RAB19: variants seen among roughly 807,000 people sequenced by gnomAD.
RAB19 encodes RAB19, member RAS oncogene family.
In RAB19, 21 loss-of-function variants were observed where a neutral mutation model predicts 17.3. The ratio of observed to expected loss-of-function variants is 1.21; its 90% CI spans 0.86 to 1.74. The LOEUF is 1.74. Ranked by LOEUF, RAB19 falls within the 40% of genes most tolerant of loss-of-function variation. The pLI is 0.00. For synonymous variants in RAB19, 126 were observed against 110.4 expected (o/e 1.14, Z -0.88); for missense variants, 277 against 286.8 (o/e 0.97, Z 0.25).
At chr7:140,424,322 T>C (rs1799613512) in intron 3 of RAB19, among the ~76,000 whole-genome samples, 1 of 151,064 alleles carries the variant, frequency 6.6e-6, no homozygotes, top group Admixed American at 6.6e-5. Flanking sequence ...CACACCCAGC[T>C]AATTTTGTAT....
chr7:140,416,333 A>G (rs180716491), intron 3 of RAB19, among the ~76,000 whole-genome samples: 5 of 151,926 alleles, frequency 3.3e-5, no homozygotes, highest in Admixed American at 2.0e-4. Context: ...TGTCTAAAAA[A>G]TCAATCAATC....
At chr7:140,411,313 T>A (rs2130106439) in intron 2 of RAB19, among the ~76,000 whole-genome samples, 1 of 152,218 alleles carries the variant, frequency 6.6e-6, no homozygotes, top group African/African-American at 2.4e-5. Flanking sequence ...GGCAGGAGAA[T>A]GGTGTGAACC....
chr7:140,420,955 C>T (rs762817198), intron 3 of RAB19, among the ~76,000 whole-genome samples: 2 of 151,910 alleles, frequency 1.3e-5, no homozygotes, highest in Admixed American at 6.6e-5. Context: ...TGCAGTGGCG[C>T]GATATTGACT....
chr7:140,410,415 T>C (rs1360302150), intron 2 of RAB19, among the ~76,000 whole-genome samples: 2 of 137,314 alleles, frequency 1.5e-5, no homozygotes, highest in Non-Finnish European at 3.1e-5. Flanking sequence ...TAAGCTCCGC[T>C]TCCCGGGTTC....
intron 3 of RAB19, among the ~76,000 whole-genome samples, chr7:140,425,437 G>C (rs950938536): frequency 4.6e-5 from 7 of 151,928 alleles, no homozygotes; most frequent in Admixed American, 3.9e-4. Flanking sequence ...GTAAAAAGAG[G>C]AGCAAGGGCC....
intron 1 of RAB19, 176 bp downstream of exon 1, chr7:140,404,393 C>T (rs1475201307): frequency 6.6e-6 from 1 of 152,160 alleles, no homozygotes; most frequent in Non-Finnish European, 1.5e-5. Context: ...AAAGTCTCAG[C>T]TCAAGTTACA....
chr7:140,418,322 C>T (rs753779510), intron 3 of RAB19, among the ~76,000 whole-genome samples: 5 of 136,600 alleles, frequency 3.7e-5, no homozygotes, highest in Non-Finnish European at 4.6e-5. Context: ...GAGGCTGAGG[C>T]GGGTGGATTG....
chr7:140,418,280 A>G (rs574842238), intron 3 of RAB19, among the ~76,000 whole-genome samples: 1 of 151,520 alleles, frequency 6.6e-6, no homozygotes, highest in African/African-American at 2.4e-5. Context: ...GGCCAGGTGC[A>G]GTGGTTCACA....
chr7:140,420,309 T>C (rs1799534200), intron 3 of RAB19, among the ~76,000 whole-genome samples: 1 of 150,424 alleles, frequency 6.6e-6, no homozygotes, highest in Admixed American at 6.7e-5. Flanking sequence ...TAATCCCAGC[T>C]ACTCAAGAGG....
rs908046452 is a variant in RAB19, at chr7:140,426,217, C to T, written c.*67C>T. 2.0e-5 allele frequency: 31 copies of T among 1,553,446 alleles called. No individual in the cohort carries two copies. Among genetic ancestry groups the T allele is most frequent in the East Asian group, 1.6e-4 (7 of 44,108 alleles). ...CTGAAACCAAAGGTAGCCAGGATAC[C>T]GTAGTGTTGCCCCAGTGGCGCTTTA... is the stretch of plus-strand genomic sequence containing the variant. On this transcript the variant is annotated 3_prime_UTR_variant, in exon 4 of 4. Coordinates refer to ENST00000537763, the MANE Select transcript of RAB19 (RefSeq NM_001008749.3).
rs1020687359 is a variant in RAB19, at chr7:140,427,758, T to A, written c.*1608T>A. On this transcript the variant is annotated 3_prime_UTR_variant, in exon 4 of 4. Coordinates refer to ENST00000537763, the MANE Select transcript of RAB19 (RefSeq NM_001008749.3). ...TGAACCACCGCACCTGGCCTTTTTT[T>A]ATTATTATTATTGTAGAAATGAAGT... is the stretch of plus-strand genomic sequence containing the variant. 6.6e-6 allele frequency among the ~76,000 whole-genome samples: 1 copy of A among 151,358 alleles called. No individual in the cohort carries two copies. Among genetic ancestry groups the A allele is most frequent in the South Asian group, 2.1e-4 (1 of 4,772 alleles).
intron 3 of RAB19, among the ~76,000 whole-genome samples, chr7:140,421,196 T>A (rs557115414): frequency 6.6e-6 from 1 of 151,808 alleles, no homozygotes; most frequent in East Asian, 1.9e-4. Flanking sequence ...TGGCCTTTTA[T>A]GTTTTATTTT....
chr7:140,409,072 A>AT (rs1487286674), intron 2 of RAB19, among the ~76,000 whole-genome samples: 1 of 152,096 alleles, frequency 6.6e-6, no homozygotes, highest in Admixed American at 6.5e-5. Context: ...AAAAGGTCAA[A>AT]TTTTCTAGTG....
intron 3 of RAB19, among the ~76,000 whole-genome samples, chr7:140,422,149 G>A (rs1251452501): frequency 6.6e-6 from 1 of 152,146 alleles, no homozygotes; most frequent in Non-Finnish European, 1.5e-5. Flanking sequence ...CACTTTGGGA[G>A]GCTGAGGTGG....
At chr7:140,410,048 T>C (rs961418301) in intron 2 of RAB19, among the ~76,000 whole-genome samples, 1 of 150,486 alleles carries the variant, frequency 6.6e-6, no homozygotes, top group Non-Finnish European at 1.5e-5. Flanking sequence ...TAAAAAATAC[T>C]TCAAAGAAAT....
At chr7:140,407,948 T>C in intron 2 of RAB19, 101 bp downstream of exon 2, 1 of 937,382 alleles carries the variant, frequency 1.1e-6, no homozygotes, top group South Asian at 1.8e-5. Context: ...CACTGCAAGC[T>C]CCGCCTCCCG....
chr7:140,417,093 A>G (rs984845156), intron 3 of RAB19, among the ~76,000 whole-genome samples: 7 of 148,546 alleles, frequency 4.7e-5, no homozygotes, highest in Non-Finnish European at 8.9e-5. Flanking sequence ...AAAATCAGCC[A>G]GGTGTGGTGG....
At chr7:140,411,387 G>A (rs931217000) in intron 2 of RAB19, among the ~76,000 whole-genome samples, 3 of 152,220 alleles carry the variant, frequency 2.0e-5, no homozygotes, top group Middle Eastern at 3.4e-3. Context: ...GCGACAGAGC[G>A]AGACTCCATC....
chr7:140,424,621 A>C (rs2948385), intron 3 of RAB19, among the ~76,000 whole-genome samples: 14,076 of 76,094 alleles, frequency 0.18, 693 homozygotes, highest in Non-Finnish European at 0.25. Context: ...CTCTCTCTCT[A>C]TATATATATA....
Sources: allele counts gnomAD v4.1 joint callset (sites outside exome capture counted in the v4.1 genomes callset), GRCh38; gene constraint gnomAD v4.1.1; transcripts MANE v1.5; gene names NCBI Gene and HGNC (gene_info 2026-07-23, HGNC 2026-07-21).